The following INVS variants were observed in gnomAD, a reference collection of about 807,000 sequenced individuals.
INVS encodes the protein inversin, also known as inversion of embryo turning homolog.
In INVS, 86 loss-of-function variants were observed where a neutral mutation model predicts 108.8. The observed-to-expected ratio is 0.79, with a 90% CI of 0.66 to 0.95. The LOEUF (loss-of-function observed/expected upper bound fraction) is 0.95. Ranked by LOEUF, INVS falls within the 40% of genes least tolerant of loss-of-function variation. INVS has a pLI of 0.00. For missense variants in INVS, 1,169 were observed against 1,297.4 expected (o/e 0.90, Z 1.52); for synonymous variants, 455 against 473.5 (o/e 0.96, Z 0.51).
At chr9:100,161,613 A>AGATGGATGGATG (rs553912870) in intron 3 of INVS, among the ~76,000 whole-genome samples, 5 of 151,640 alleles carry the variant, frequency 3.3e-5, no homozygotes, top group African/African-American at 9.7e-5. Context: ...GTGGCTGGCC[A>AGATGGATGGATG]GATGGATGGA....
chr9:100,296,779 A>T (rs1833803420), intron 14 of INVS, 138 bp from the exon 15 acceptor site: 2 of 711,002 alleles, frequency 2.8e-6, no homozygotes, highest in East Asian at 5.4e-5. Flanking sequence ...TGCTGCCGCC[A>T]AAATTAGGAA....
intron 3 of INVS, among the ~76,000 whole-genome samples, chr9:100,183,091 A>G (rs1829945121): frequency 6.6e-6 from 1 of 152,162 alleles, no homozygotes; most frequent in African/African-American, 2.4e-5. Context: ...ACATGGATAC[A>G]GGGAGGGGAA....
Position 100,166,772 on chromosome 9 carries a change from A to T in INVS, c.273+40223A>T, listed in dbSNP as rs77192004. On this transcript the variant is annotated intron_variant, in intron 3 of 16. Coordinates refer to ENST00000262457, the MANE Select transcript of INVS (RefSeq NM_014425.5). ...CTTTACCACCACTTTGGTCCTAGCC[A>T]CCATCATGTTGGGTTAGATTATTGT... Among the ~76,000 whole-genome samples the T allele has an allele frequency of 3.5e-3, 539 of 152,294 alleles. 4 individuals are homozygous for T. The highest frequency in any genetic ancestry group is 0.012 in the African/African-American group (514 of 41,570).
At chr9:100,133,384 A>G (rs937910964) in intron 3 of INVS, among the ~76,000 whole-genome samples, 7 of 151,774 alleles carry the variant, frequency 4.6e-5, no homozygotes, top group African/African-American at 1.7e-4. Context: ...ATACACTATT[A>G]TGGGTAAACC....
At chr9:100,216,915 C>T (rs933294334) in intron 3 of INVS, among the ~76,000 whole-genome samples, 1 of 152,166 alleles carries the variant, frequency 6.6e-6, no homozygotes, top group Non-Finnish European at 1.5e-5. Flanking sequence ...CTTAACCTTG[C>T]CCACCACCTG....
chr9:100,146,479 T>A (rs1011009634), intron 3 of INVS, among the ~76,000 whole-genome samples: 2 of 152,196 alleles, frequency 1.3e-5, no homozygotes, highest in African/African-American at 4.8e-5. Flanking sequence ...TACGTGCAGG[T>A]CACAGGAGAT....
chr9:100,178,201 A>G (rs1829775748), intron 3 of INVS, among the ~76,000 whole-genome samples: 1 of 152,216 alleles, frequency 6.6e-6, no homozygotes, highest in Non-Finnish European at 1.5e-5. Context: ...TGAAAATTCC[A>G]AAAACCAGAA....
intron 3 of INVS, among the ~76,000 whole-genome samples, chr9:100,201,670 A>G (rs1394760909): frequency 2.0e-5 from 3 of 152,242 alleles, no homozygotes; most frequent in Non-Finnish European, 2.9e-5. Flanking sequence ...ACAACAAGAT[A>G]TAAGACTGGA....
At chr9:100,238,067 C>T (rs577040097) in intron 5 of INVS, among the ~76,000 whole-genome samples, 62 of 152,078 alleles carry the variant, frequency 4.1e-4, no homozygotes, top group Middle Eastern at 6.8e-3. Flanking sequence ...TTAGTAGAGA[C>T]GGGGTTTCAC....
chr9:100,179,986 C>T (rs1171290374), intron 3 of INVS, among the ~76,000 whole-genome samples: 1 of 152,172 alleles, frequency 6.6e-6, no homozygotes, highest in Non-Finnish European at 1.5e-5. Context: ...TTAAGAAACT[C>T]ACTCAGAACC....
intron 3 of INVS, among the ~76,000 whole-genome samples, chr9:100,146,447 A>G (rs1239760971): frequency 6.6e-6 from 1 of 152,186 alleles, no homozygotes; most frequent in African/African-American, 2.4e-5. Context: ...CAGTTAAGGC[A>G]GGAACCAGCC....
intron 2 of INVS, among the ~76,000 whole-genome samples, chr9:100,109,149 A>G (rs1018317439): frequency 6.6e-6 from 1 of 152,244 alleles, no homozygotes; most frequent in Non-Finnish European, 1.5e-5. Flanking sequence ...TATAGATTTT[A>G]GAGTCAGATA....
intron 6 of INVS, among the ~76,000 whole-genome samples, chr9:100,241,063 A>G (rs1831855063): frequency 6.6e-6 from 1 of 151,910 alleles, no homozygotes; most frequent in South Asian, 2.1e-4. Flanking sequence ...GATACTCATC[A>G]CTCTTTTAGT....
intron 13 of INVS, among the ~76,000 whole-genome samples, chr9:100,285,235 A>C (rs1409514943): frequency 2.0e-5 from 3 of 152,190 alleles, no homozygotes; most frequent in Admixed American, 6.6e-5. Context: ...GCACTTGAAA[A>C]ATATTGTGCC....
intron 6 of INVS, 69 bp from the exon 7 acceptor site, chr9:100,242,501 A>G (rs998818712): frequency 5.5e-6 from 5 of 914,796 alleles, no homozygotes; most frequent in South Asian, 4.1e-5. Context: ...TATCTTTTTC[A>G]TTTAAATAGA....
intron 5 of INVS, among the ~76,000 whole-genome samples, chr9:100,234,208 GT>G (rs1831606311): frequency 6.6e-6 from 1 of 152,178 alleles, no homozygotes; most frequent in Admixed American, 6.5e-5. Flanking sequence ...TGTGGGGTCA[GT>G]GGTGATATCC....
chr9:100,153,313 A>G (rs1373458742), intron 3 of INVS, among the ~76,000 whole-genome samples: 1 of 152,022 alleles, frequency 6.6e-6, no homozygotes, highest in African/African-American at 2.4e-5. Context: ...TTATATCATT[A>G]TCAAAGGTTT....
At chr9:100,102,590 A>T (rs1827032558) in intron 1 of INVS, 1 of 152,174 alleles carries the variant, frequency 6.6e-6, no homozygotes, top group Admixed American at 6.6e-5. Context: ...CTGAAGTCCC[A>T]GCTATTCAGG....
chr9:100,129,557 C>A, intron 3 of INVS: 6 of 470,836 alleles, frequency 1.3e-5, no homozygotes, highest in South Asian at 4.8e-5. Flanking sequence ...AAATAAGAAA[C>A]CAACAAGACA....
Sources: gnomAD v4.1 joint callset for allele counts (sites outside exome capture counted in the v4.1 genomes callset) on GRCh38, gnomAD v4.1.1 for gene constraint, MANE v1.5 for transcripts, NCBI Gene and HGNC (gene_info 2026-07-23, HGNC 2026-07-21) for gene names.